KLF12: variants seen among roughly 807,000 people sequenced by gnomAD.
The protein encoded by KLF12 is Krueppel-like factor 12.
A neutral mutation model predicts 37.8 loss-of-function variants in KLF12; 9 were observed. That is an observed-to-expected ratio of 0.24 (90% CI 0.14 to 0.42). The LOEUF is 0.42. Among genes scored for constraint, KLF12 ranks in the 10% least tolerant of loss-of-function variants. The pLI is 1.00. For synonymous variants in KLF12, 208 were observed against 202.1 expected (o/e 1.03, Z -0.25); for missense variants, 411 against 516.0 (o/e 0.80, Z 1.97).
chr13:74,137,128 T>C (rs1230556159), upstream of KLF12, among the ~76,000 whole-genome samples: 1 of 152,128 alleles, frequency 6.6e-6, no homozygotes, highest in African/African-American at 2.4e-5. Context: ...GGGAAGAAGA[T>C]AGGGAAAAGT....
chr13:73,788,815 C>T (rs1255374998), intron 5 of KLF12, among the ~76,000 whole-genome samples: 1 of 152,098 alleles, frequency 6.6e-6, no homozygotes, highest in Non-Finnish European at 1.5e-5. Flanking sequence ...GAAACTTGCA[C>T]CTACCCATTC....
chr13:74,136,838 GT>G (rs1331885363), upstream of KLF12, among the ~76,000 whole-genome samples: 3 of 151,928 alleles, frequency 2.0e-5, no homozygotes, highest in South Asian at 6.3e-4. Flanking sequence ...TTTAAAAATT[GT>G]TGACAGATAT....
intron 4 of KLF12, among the ~76,000 whole-genome samples, chr13:73,833,868 C>T (rs73535811): frequency 0.29 from 44,400 of 151,846 alleles, 6,705 homozygotes; most frequent in East Asian, 0.52. Context: ...TTGGCAGCCT[C>T]CTATTTCACC....
intron 6 of KLF12, among the ~76,000 whole-genome samples, chr13:73,737,444 A>T (rs1019501131): frequency 2.0e-5 from 3 of 152,212 alleles, no homozygotes; most frequent in Admixed American, 6.5e-5. Flanking sequence ...GTCATTTAGC[A>T]GCCCTGGATT....
the KLF12 span, among the ~76,000 whole-genome samples, chr13:74,260,565 AAAATAAAAT>A: frequency 0.054 from 5,293 of 98,838 alleles, 601 homozygotes; most frequent in African/African-American, 0.24. Flanking sequence ...AAAATAAAAT[AAAATAAAAT>A]AAATAAAATA....
chr13:73,996,467 A>T (rs1351242041), intron 1 of KLF12, among the ~76,000 whole-genome samples: 1 of 152,222 alleles, frequency 6.6e-6, no homozygotes. Flanking sequence ...GGTACATCAA[A>T]ACCTGGCTCA....
intron 6 of KLF12, among the ~76,000 whole-genome samples, chr13:73,761,089 T>C (rs952430944): frequency 1.3e-5 from 2 of 152,166 alleles, no homozygotes; most frequent in Admixed American, 1.3e-4. Context: ...GCTGCTCTCC[T>C]GTGGGTCTGA....
chr13:73,766,976 C>A (rs1233733587), intron 5 of KLF12, among the ~76,000 whole-genome samples: 1 of 152,054 alleles, frequency 6.6e-6, no homozygotes, highest in African/African-American at 2.4e-5. Flanking sequence ...TTAGGAAAGT[C>A]TTTGGAAAAG....
At chr13:73,944,101 G>C in intron 2 of KLF12, 31 bp from the exon 3 acceptor site, 1 of 1,390,822 alleles carries the variant, frequency 7.2e-7, no homozygotes, top group Non-Finnish European at 1.0e-6. Flanking sequence ...GAAAGATTCA[G>C]CTCTAAAGCA....
chr13:74,100,036 G>C lies in KLF12; in HGVS notation c.-32+33703C>G, dbSNP rs990055757. ...GGTCCACTGACACCAAGTACACAGA[G>C]TGTGGAGGGGAGAGAGAGCACGCAG... is the stretch of plus-strand genomic sequence containing the variant. On this transcript the variant is annotated intron_variant, in intron 1 of 7. Transcript: ENST00000377669. Among the ~76,000 whole-genome samples the C allele has an allele frequency of 3.9e-5, 6 of 152,274 alleles. No individual in the cohort carries two copies. In the South Asian group the frequency reaches 8.3e-4, roughly 21 times the overall value.
At chr13:73,749,688 A>G (rs555463615) in intron 6 of KLF12, among the ~76,000 whole-genome samples, 1 of 152,294 alleles carries the variant, frequency 6.6e-6, no homozygotes, top group East Asian at 1.9e-4. Flanking sequence ...GATCAGAGGG[A>G]AGGCCAAAAA....
At chr13:73,969,723 A>G (rs574586394) in intron 2 of KLF12, among the ~76,000 whole-genome samples, 1 of 152,300 alleles carries the variant, frequency 6.6e-6, no homozygotes, top group East Asian at 1.9e-4. Flanking sequence ...ACCATGCACA[A>G]CTACAATAAG....
intron 3 of KLF12, among the ~76,000 whole-genome samples, chr13:73,905,389 T>A (rs551724502): frequency 5.1e-4 from 77 of 152,194 alleles, no homozygotes; most frequent in Non-Finnish European, 9.8e-4. Context: ...TCATGGATAA[T>A]CACTGCTAAA....
chr13:73,927,255 GCTTCTCCCCTTGATCA>G (rs1889435490), intron 3 of KLF12, among the ~76,000 whole-genome samples: 2 of 152,176 alleles, frequency 1.3e-5, no homozygotes, highest in Admixed American at 1.3e-4. Context: ...GAGCCCAGAG[GCTTCTCCCCTTGATCA>G]CTCCTCTCCT....
chr13:73,770,153 T>A (rs1424412134), intron 5 of KLF12, among the ~76,000 whole-genome samples: 1 of 152,156 alleles, frequency 6.6e-6, no homozygotes, highest in Non-Finnish European at 1.5e-5. Flanking sequence ...TTACTAAATA[T>A]CAGAATTTTC....
chr13:73,861,645 T>C (rs980975472), intron 3 of KLF12, among the ~76,000 whole-genome samples: 5 of 152,274 alleles, frequency 3.3e-5, no homozygotes, highest in Non-Finnish European at 7.4e-5. Flanking sequence ...TTTTCCTACT[T>C]TTTCCCCTAA....
At chr13:73,901,543 T>A (rs1011860677) in intron 3 of KLF12, among the ~76,000 whole-genome samples, 6 of 152,044 alleles carry the variant, frequency 3.9e-5, no homozygotes, top group Non-Finnish European at 7.4e-5. Context: ...GCTCACTCTG[T>A]CCTGATGGTT....
At chr13:73,955,031 T>C (rs904468375) in intron 2 of KLF12, among the ~76,000 whole-genome samples, 1 of 152,152 alleles carries the variant, frequency 6.6e-6, no homozygotes, top group Non-Finnish European at 1.5e-5. Flanking sequence ...TAAGTCCAGG[T>C]GTATGAGACT....
chr13:74,169,514 A>G, the KLF12 span, among the ~76,000 whole-genome samples: 2 of 152,236 alleles, frequency 1.3e-5, no homozygotes, highest in African/African-American at 4.8e-5. Context: ...GTGATGATTA[A>G]ATAAATCTAT....
Sources: allele counts gnomAD v4.1 joint callset (sites outside exome capture counted in the v4.1 genomes callset), GRCh38; gene constraint gnomAD v4.1.1; transcripts MANE v1.5; gene names NCBI Gene and HGNC (gene_info 2026-07-23, HGNC 2026-07-21).